Variants in KMT2E observed in about 807,000 individuals in gnomAD.
KMT2E encodes the protein histone reader KMT2E.
KMT2E carries 30 observed loss-of-function variants against 184.6 expected under a neutral mutation model. That is an observed-to-expected ratio of 0.16 (90% CI 0.12 to 0.22). KMT2E has a LOEUF of 0.22. KMT2E is among the 10% of genes least tolerant of loss of function. The pLI is 1.00. For missense variants in KMT2E, 2,023 were observed against 2,237.4 expected (o/e 0.90, Z 1.93); for synonymous variants, 815 against 776.5 (o/e 1.05, Z -0.82).
intron 13 of KMT2E, among the ~76,000 whole-genome samples, chr7:105,089,656 G>A (rs1483508710): frequency 2.6e-5 from 4 of 152,124 alleles, no homozygotes; most frequent in Non-Finnish European, 5.9e-5. Context: ...TGAATTTTGT[G>A]TTTAGACCTG....
chr7:105,081,918 A>T lies in KMT2E; in HGVS notation c.1358+121A>T, dbSNP rs990516871. ...TATTTTTATCTATCATGAATCAGTT[A>T]AAAGTACTTGAAAACCAGAAGTTTA... is the stretch of plus-strand genomic sequence containing the variant. On this transcript the variant is annotated intron_variant, in intron 13 of 26. Coordinates refer to ENST00000311117, the MANE Select transcript of KMT2E (RefSeq NM_182931.3). The T allele has an allele frequency of 5.2e-5, 27 of 519,878 alleles. No homozygotes were observed. The East Asian group carries it at 5.6e-4, about 11-fold the overall frequency. 32.2% of individuals were successfully genotyped at this position (519,878 alleles called of 1,614,324 possible).
intron 3 of KMT2E, among the ~76,000 whole-genome samples, chr7:105,051,539 G>A (rs146426779): frequency 6.6e-6 from 1 of 152,276 alleles, no homozygotes; most frequent in East Asian, 1.9e-4. Flanking sequence ...ACTCTAAGCT[G>A]TCAGTCTTGA....
At chr7:105,089,203 T>C (rs1370151562) in intron 13 of KMT2E, 2 of 404,648 alleles carry the variant, frequency 4.9e-6, no homozygotes, top group Non-Finnish European at 9.7e-6. Flanking sequence ...CCTAAACTTT[T>C]TTTGTTTTTT....
intron 1 of KMT2E, among the ~76,000 whole-genome samples, chr7:105,032,509 T>A (rs1169878359): frequency 6.6e-6 from 1 of 152,234 alleles, no homozygotes; most frequent in African/African-American, 2.4e-5. Context: ...TTTACTTATT[T>A]ATTTTTTTTA....
At chr7:105,071,958 C>T (rs1304971685) in intron 6 of KMT2E, among the ~76,000 whole-genome samples, 2 of 151,902 alleles carry the variant, frequency 1.3e-5, no homozygotes, top group South Asian at 2.1e-4. Context: ...AGTCTTTTGC[C>T]AGATAATTTT....
intron 9 of KMT2E, among the ~76,000 whole-genome samples, chr7:105,076,723 A>T (rs1797539675): frequency 6.6e-6 from 1 of 152,136 alleles, no homozygotes; most frequent in Non-Finnish European, 1.5e-5. Flanking sequence ...CAAATTTCTA[A>T]AATTGTCACA....
At chr7:105,087,238 TAAAGAG>T (rs1798016265) in intron 13 of KMT2E, among the ~76,000 whole-genome samples, 1 of 146,012 alleles carries the variant, frequency 6.8e-6, no homozygotes, top group Non-Finnish European at 1.5e-5. Context: ...AGCATATATA[TAAAGAG>T]ATACCATTCA....
At chr7:105,020,009 G>T (rs1011492507) in intron 1 of KMT2E, among the ~76,000 whole-genome samples, 1 of 151,644 alleles carries the variant, frequency 6.6e-6, no homozygotes, top group Non-Finnish European at 1.5e-5. Context: ...TCAGGAGGGC[G>T]AGGCAGGAGA....
At chr7:105,019,964 C>G (rs930111282) in intron 1 of KMT2E, among the ~76,000 whole-genome samples, 2 of 151,486 alleles carry the variant, frequency 1.3e-5, no homozygotes, top group Non-Finnish European at 2.9e-5. Context: ...AAAAATTAGC[C>G]GGGCGTGGTG....
At chr7:105,034,806 T>C (rs1000570240) in intron 1 of KMT2E, among the ~76,000 whole-genome samples, 1 of 145,548 alleles carries the variant, frequency 6.9e-6, no homozygotes, top group Non-Finnish European at 1.5e-5. Flanking sequence ...AAGAATGTTA[T>C]ATAAATGGAG....
intron 3 of KMT2E, among the ~76,000 whole-genome samples, chr7:105,043,751 C>G (rs1310182960): frequency 1.3e-5 from 2 of 152,106 alleles, no homozygotes; most frequent in African/African-American, 4.8e-5. Flanking sequence ...AGAATTACAA[C>G]ACATTTGGAA....
intron 15 of KMT2E, among the ~76,000 whole-genome samples, chr7:105,096,402 A>G (rs1320408970): frequency 2.0e-5 from 3 of 152,138 alleles, no homozygotes; most frequent in Admixed American, 6.6e-5. Flanking sequence ...TTGATGGCCT[A>G]TATTATCAGA....
At chr7:105,037,874 T>C (rs981236233) in intron 1 of KMT2E, among the ~76,000 whole-genome samples, 93 of 152,304 alleles carry the variant, frequency 6.1e-4, no homozygotes, top group African/African-American at 2.1e-3. Context: ...CAGTTAAACA[T>C]TTTTAAATAT....
At chr7:105,088,243 T>G (rs1011604128) in intron 13 of KMT2E, among the ~76,000 whole-genome samples, 4 of 152,214 alleles carry the variant, frequency 2.6e-5, no homozygotes, top group Admixed American at 6.5e-5. Flanking sequence ...AGAAGAAGAA[T>G]AATACTCACC....
Position 105,102,359 on chromosome 7 carries a change from TATAA to T in KMT2E, c.2196+168_2196+171del, listed in dbSNP as rs201000958. On this transcript the variant is annotated intron_variant, in intron 17 of 26. Coordinates refer to ENST00000311117, the MANE Select transcript of KMT2E (RefSeq NM_182931.3). ...GAGAATTCCAAAACTGTAAAATTAA[TATAA>T]ATGTTTGCATTACTGTGAAGATAAA... The T allele has an allele frequency of 2.6e-5, 14 of 537,052 alleles. No homozygotes were observed. In the East Asian group the frequency reaches 4.8e-4, roughly 18 times the overall value. The allele number at this position is 537,052 out of a possible 1,614,324, so 33.3% of individuals were successfully genotyped here. A position where few individuals can be genotyped will look rare whatever the true frequency, so the allele number is the denominator to read the frequency against.
At chr7:105,054,506 A>ATCTG (rs1554387136) in intron 3 of KMT2E, among the ~76,000 whole-genome samples, 6 of 117,270 alleles carry the variant, frequency 5.1e-5, no homozygotes, top group African/African-American at 1.8e-4. Context: ...CTATCTATCT[A>ATCTG]TCTATCTATC....
At chr7:105,021,296 C>A (rs185791268) in intron 1 of KMT2E, among the ~76,000 whole-genome samples, 2 of 152,352 alleles carry the variant, frequency 1.3e-5, no homozygotes, top group East Asian at 1.9e-4. Context: ...TTACATCTTA[C>A]ATCATTAAGC....
At chr7:105,062,530 G>A (rs1796861098) in intron 4 of KMT2E, among the ~76,000 whole-genome samples, 1 of 152,026 alleles carries the variant, frequency 6.6e-6, no homozygotes, top group African/African-American at 2.4e-5. Flanking sequence ...CTAAAAGAAT[G>A]CAGATAAGGT....
intron 24 of KMT2E, 38 bp downstream of exon 24, chr7:105,110,406 G>C (rs755833723): frequency 6.8e-6 from 11 of 1,613,806 alleles, no homozygotes; most frequent in East Asian, 2.2e-5. Flanking sequence ...AGTGGAATCA[G>C]TTAATCACTC....
Sources: allele counts gnomAD v4.1 joint callset (sites outside exome capture counted in the v4.1 genomes callset), GRCh38; gene constraint gnomAD v4.1.1; transcripts MANE v1.5; gene names NCBI Gene and HGNC (gene_info 2026-07-23, HGNC 2026-07-21).